XPO7: variants seen among roughly 807,000 people sequenced by gnomAD.
XPO7 encodes exportin-7.
XPO7 carries 21 observed loss-of-function variants against 144.3 expected under a neutral mutation model. The observed-to-expected ratio is 0.15, with a 90% CI of 0.10 to 0.21. The LOEUF (loss-of-function observed/expected upper bound fraction) is 0.21, where lower values mean the gene tolerates loss of function less well. Ranked by LOEUF, XPO7 falls within the 10% of genes least tolerant of loss-of-function variation. The pLI is 1.00. For missense variants in XPO7, 808 were observed against 1,325.8 expected (o/e 0.61, Z 6.06); for synonymous variants, 580 against 499.6 (o/e 1.16, Z -2.15).
chr8:21,985,500 G>A (rs1812548735), intron 12 of XPO7, 86 bp from the exon 13 acceptor site: 4 of 1,245,476 alleles, frequency 3.2e-6, no homozygotes, highest in Non-Finnish European at 4.7e-6. Flanking sequence ...TCACCACAGT[G>A]TTCTTAAGAT....
intron 25 of XPO7, 44 bp downstream of exon 25, chr8:22,002,316 A>G (rs1040458051): frequency 6.3e-7 from 1 of 1,593,122 alleles, no homozygotes; most frequent in Non-Finnish European, 8.5e-7. Context: ...GGTGTCCGAC[A>G]GAGGAAGGAC....
In XPO7 at chr8:21,969,446, A is replaced by G. The variant is rs371100663; in HGVS notation, c.166-37A>G. The G allele has an allele frequency of 2.5e-4, 389 of 1,561,480 alleles. No individual in the cohort carries two copies. In the African/African-American group the frequency reaches 4.1e-3, roughly 16 times the overall value. ...AAAAACCTTGTGACTGGCTTACTCA[A>G]TACAATTTTAAGTCCTTTTTCCCTC... On this transcript the variant is annotated intron_variant, in intron 2 of 27. Transcript: ENST00000252512.
At chr8:21,948,002 A>G (rs1331770833) in intron 1 of XPO7, among the ~76,000 whole-genome samples, 1 of 152,238 alleles carries the variant, frequency 6.6e-6, no homozygotes, top group Non-Finnish European at 1.5e-5. Flanking sequence ...AGTGGATTTG[A>G]AAACCAGAGA....
intron 8 of XPO7, 61 bp from the exon 9 acceptor site, chr8:21,980,023 C>G: frequency 2.1e-6 from 3 of 1,444,408 alleles, no homozygotes; most frequent in Non-Finnish European, 2.7e-6. Context: ...TGGAACGTTT[C>G]TGGTGAAAGT....
At chr8:21,955,761 G>A (rs968857657) in intron 1 of XPO7, among the ~76,000 whole-genome samples, 1 of 122,692 alleles carries the variant, frequency 8.2e-6, no homozygotes, top group Non-Finnish European at 1.6e-5. Flanking sequence ...ATGGAGTCTC[G>A]CTCTGTCTCC....
chr8:22,003,784 A>G (rs1029875203), intron 26 of XPO7, 119 bp from the exon 27 acceptor site: 1 of 1,460,366 alleles, frequency 6.8e-7, no homozygotes, highest in African/African-American at 1.4e-5. Flanking sequence ...TAAGGGTCCA[A>G]TTTTAGTAGA....
chr8:21,919,906 A>G, intron 1 of XPO7, 118 bp downstream of exon 1: 1 of 235,592 alleles, frequency 4.2e-6, no homozygotes, highest in Non-Finnish European at 8.6e-6. Flanking sequence ...CGCCGCCGCC[A>G]CTCGGGGCTC....
At chr8:21,926,327 C>G (rs1810457135) in intron 1 of XPO7, among the ~76,000 whole-genome samples, 1 of 151,936 alleles carries the variant, frequency 6.6e-6, no homozygotes, top group Non-Finnish European at 1.5e-5. Context: ...TGGTACTTTG[C>G]ATGATAAGAA....
rs549854836 is a variant in XPO7 at position 21,971,816 on chromosome 8, C to G, written c.427-60C>G. On this transcript the variant is annotated intron_variant, in intron 4 of 27. Coordinates refer to ENST00000252512, the MANE Select transcript of XPO7 (RefSeq NM_015024.5). ...CGTCATTCGAAAGTATGAGTGCATT[C>G]CAAATGCCAAAACCAAGCACACATG... The G allele has an allele frequency of 5.4e-4, 795 of 1,463,168 alleles. 1 individual carries two copies. The highest frequency in any genetic ancestry group is 7.5e-4 in the Middle Eastern group (4 of 5,314). 90.6% of individuals were successfully genotyped at this position (1,463,168 alleles called of 1,614,324 possible).
chr8:21,934,096 C>A (rs924937721), intron 1 of XPO7, among the ~76,000 whole-genome samples: 1 of 152,106 alleles, frequency 6.6e-6, no homozygotes, highest in African/African-American at 2.4e-5. Context: ...AAGCAGAGAA[C>A]AAAATAGGCA....
At chr8:21,972,593 A>G (rs1225615855) in intron 5 of XPO7, among the ~76,000 whole-genome samples, 1 of 152,212 alleles carries the variant, frequency 6.6e-6, no homozygotes, top group African/African-American at 2.4e-5. Flanking sequence ...AATTTTTTAA[A>G]TGGTCATTGA....
intron 1 of XPO7, among the ~76,000 whole-genome samples, chr8:21,954,499 T>C (rs1007644289): frequency 6.6e-6 from 1 of 152,080 alleles, no homozygotes; most frequent in Admixed American, 6.6e-5. Context: ...CCAGGTGTGG[T>C]GGCACAGACC....
chr8:21,995,356 C>T (rs1264458563), intron 20 of XPO7, 136 bp from the exon 21 acceptor site: 6 of 685,714 alleles, frequency 8.7e-6, no homozygotes, highest in Non-Finnish European at 1.5e-5. Flanking sequence ...TAGAAAGACT[C>T]CAAGATTAGC....
At chr8:21,996,067 G>A (rs189278949) in intron 21 of XPO7, among the ~76,000 whole-genome samples, 150 of 152,208 alleles carry the variant, frequency 9.9e-4, no homozygotes, top group East Asian at 3.5e-3. Context: ...CGCGTGCCTC[G>A]GCCTCCCAAA....
chr8:21,956,127 CCTT>C (rs1811526895), intron 1 of XPO7, among the ~76,000 whole-genome samples: 1 of 152,104 alleles, frequency 6.6e-6, no homozygotes. Context: ...ATTTTTGTGG[CCTT>C]ACACCCCCAA....
chr8:21,972,768 C>T (rs936404156), intron 5 of XPO7, among the ~76,000 whole-genome samples: 32 of 152,168 alleles, frequency 2.1e-4, no homozygotes, highest in African/African-American at 6.3e-4. Flanking sequence ...TTAATGATAT[C>T]AGCATTACTG....
chr8:21,947,599 GAAAC>G (rs1474227737), intron 1 of XPO7, among the ~76,000 whole-genome samples: 7 of 152,114 alleles, frequency 4.6e-5, no homozygotes, highest in Admixed American at 2.6e-4. Context: ...GAATGCGAAA[GAAAC>G]AGAGCTCTTA....
rs1399521839 is a variant in XPO7 at position 21,967,076 on chromosome 8, T to G, written c.165+73T>G. The G allele has an allele frequency of 2.0e-6, 3 of 1,526,558 alleles. No individual in the cohort carries two copies. In the African/African-American group the frequency reaches 4.1e-5, roughly 21 times the overall value. 94.6% of individuals were successfully genotyped at this position (1,526,558 alleles called of 1,614,324 possible). ...GTTATTCTGGTTCTCTGTGTAGGAA[T>G]GGCATGGGATGGCTTCTGTTCCCTG... On this transcript the variant is annotated intron_variant, in intron 2 of 27. Coordinates refer to ENST00000252512, the MANE Select transcript of XPO7 (RefSeq NM_015024.5).
intron 24 of XPO7, among the ~76,000 whole-genome samples, chr8:22,001,032 A>G (rs1186520146): frequency 6.6e-6 from 1 of 152,118 alleles, no homozygotes; most frequent in Non-Finnish European, 1.5e-5. Flanking sequence ...TATTGAAAAT[A>G]CAGGGACCTG....
Sources: allele counts gnomAD v4.1 joint callset (sites outside exome capture counted in the v4.1 genomes callset), GRCh38; gene constraint gnomAD v4.1.1; transcripts MANE v1.5; gene names NCBI Gene and HGNC (gene_info 2026-07-23, HGNC 2026-07-21).